Variants in TMEM39A observed in about 807,000 individuals in gnomAD.
TMEM39A encodes the protein transmembrane protein 39A.
A neutral mutation model predicts 51.9 loss-of-function variants in TMEM39A; 19 were observed. That is an observed-to-expected ratio of 0.37 (90% CI 0.26 to 0.54). The LOEUF is 0.54. TMEM39A is among the 20% of genes least tolerant of loss of function. TMEM39A has a pLI of 0.88. For missense variants in TMEM39A, 433 were observed against 590.5 expected (o/e 0.73, Z 2.76); for synonymous variants, 197 against 220.2 (o/e 0.89, Z 0.93).
chr3:119,441,751 A>C lies in TMEM39A; in HGVS notation c.576-3648T>G, dbSNP rs545301742. Among the ~76,000 whole-genome samples, 6 of 152,366 alleles carry C rather than the reference A, an allele frequency of 3.9e-5. No homozygotes were observed. The South Asian group carries it at 1.2e-3, about 32-fold the overall frequency. The stretch of plus-strand genomic sequence containing the variant: ...AAACAGCCTTATACTGTATTGGAAG[A>C]AGATGCCATCTAGACTTCCATACCT... On this transcript the variant is annotated intron_variant, in intron 5 of 8. Transcript: ENST00000319172.
intron 8 of TMEM39A, among the ~76,000 whole-genome samples, chr3:119,432,722 A>C (rs2080917107): frequency 1.3e-5 from 2 of 152,168 alleles, no homozygotes; most frequent in African/African-American, 4.8e-5. Flanking sequence ...TGGGGAAAAG[A>C]GAGGTTACAA....
intron 5 of TMEM39A, among the ~76,000 whole-genome samples, chr3:119,439,897 A>G (rs1051018841): frequency 3.9e-5 from 6 of 152,026 alleles, no homozygotes; most frequent in Non-Finnish European, 5.9e-5. Context: ...CCTCCTAAGT[A>G]GCTAGGACTA....
At chr3:119,445,095 C>T (rs2081106116) in intron 5 of TMEM39A, among the ~76,000 whole-genome samples, 1 of 151,600 alleles carries the variant, frequency 6.6e-6, no homozygotes, top group Admixed American at 6.6e-5. Context: ...AAAAAAGCAA[C>T]CGTCTCTGGA....
At chr3:119,453,907 C>G (rs898079226) in intron 3 of TMEM39A, among the ~76,000 whole-genome samples, 2 of 152,090 alleles carry the variant, frequency 1.3e-5, no homozygotes, top group Non-Finnish European at 2.9e-5. Context: ...AGAAATAAAA[C>G]AGTAACAAAT....
chr3:119,452,530 TCTA>T lies in TMEM39A; in HGVS notation c.337-3_337-1del, dbSNP rs748636650. ...AGATGATAATCAATGAGATGAAAAT[TCTA>T]CAACAGAAATAAATAACTACATCAG... On this transcript the variant is annotated splice_acceptor_variant and splice_polypyrimidine_tract_variant and intron_variant, in intron 3 of 8. Transcript: ENST00000319172. LOFTEE classifies it high-confidence loss of function. 6.2e-7 allele frequency: 1 copy of T among 1,611,960 alleles called. No individual in the cohort carries two copies. The highest frequency in any genetic ancestry group is 1.3e-5 in the African/African-American group (1 of 74,846).
intron 1 of TMEM39A, 141 bp from the exon 2 acceptor site, chr3:119,462,289 C>A: frequency 2.0e-6 from 1 of 499,556 alleles, no homozygotes; most frequent in Non-Finnish European, 3.6e-6. Flanking sequence ...TTACGTTATT[C>A]GAATTAAAGG....
chr3:119,442,728 C>G (rs9860775), intron 5 of TMEM39A, among the ~76,000 whole-genome samples: 1 of 151,946 alleles, frequency 6.6e-6, no homozygotes, highest in African/African-American at 2.4e-5. Context: ...AGAAAGTAAC[C>G]GCAAATGTGG....
chr3:119,440,787 A>G (rs180799266), intron 5 of TMEM39A, among the ~76,000 whole-genome samples: 2 of 152,286 alleles, frequency 1.3e-5, no homozygotes, highest in Admixed American at 1.3e-4. Context: ...ATACAGGCAT[A>G]CCTCATTTTA....
intron 3 of TMEM39A, among the ~76,000 whole-genome samples, chr3:119,453,407 G>T (rs1168973574): frequency 6.6e-6 from 1 of 152,180 alleles, no homozygotes; most frequent in Non-Finnish European, 1.5e-5. Flanking sequence ...GAAAGGAAAT[G>T]GCAGAGATTA....
chr3:119,460,141 T>C (rs1317163733), intron 2 of TMEM39A, among the ~76,000 whole-genome samples: 1 of 152,190 alleles, frequency 6.6e-6, no homozygotes, highest in East Asian at 1.9e-4. Context: ...CAATTATTTC[T>C]TTCATTTTAA....
chr3:119,455,977 C>T (rs1184318747), intron 3 of TMEM39A, among the ~76,000 whole-genome samples: 2 of 152,152 alleles, frequency 1.3e-5, no homozygotes, highest in Non-Finnish European at 2.9e-5. Flanking sequence ...GTCTTACATT[C>T]ATTTATAAAA....
intron 4 of TMEM39A, among the ~76,000 whole-genome samples, chr3:119,449,110 A>G (rs1213800430): frequency 1.3e-5 from 2 of 152,210 alleles, no homozygotes; most frequent in Admixed American, 1.3e-4. Flanking sequence ...GCTGAGACCT[A>G]AAGGATAAGC....
chr3:119,444,802 G>A (rs1259589631), intron 5 of TMEM39A, among the ~76,000 whole-genome samples: 1 of 152,112 alleles, frequency 6.6e-6, no homozygotes, highest in African/African-American at 2.4e-5. Context: ...TGCTGTTCTA[G>A]AAACTACATT....
rs190134095 is a variant in TMEM39A, at chr3:119,438,071, T to C, written c.608A>G (p.His203Arg). The change falls in exon 6 of 9, where the codon CAT (histidine) becomes CGT (arginine). Residue 203 changes from histidine (H) to arginine (R), a missense_variant. His to Arg is a conservative substitution (Grantham distance 29). Around this residue, in one of 3 missense-constraint regions of TMEM39A, gnomAD observed 40 missense variants for 22.6 expected, o/e 1.77. Coordinates refer to ENST00000319172, the MANE Select transcript of TMEM39A (RefSeq NM_018266.3). The stretch of plus-strand genomic sequence containing the variant: ...AAGAAGATGTGCTCTACTATCTTGA[T>C]GAAAACAGCAAAGAGGAACATAAAC... Reference protein sequence around the residue: ...FGVYVPLCCFHQDSRAHLLLT... With the variant: ...FGVYVPLCCFRQDSRAHLLLT... 10 of 1,594,844 alleles carry C rather than the reference T, an allele frequency of 6.3e-6. No individual in the cohort carries two copies. The Admixed American group carries it at 1.5e-4, about 24-fold the overall frequency.
At position 119,432,034 on chromosome 3, in the gene TMEM39A, A is replaced by G. The variant is rs1052717413; in HGVS notation, c.1414T>C (p.Leu472=). The change falls in exon 9 of 9, where the codon TTA becomes CTA. Residue 472 remains leucine, a synonymous_variant. Transcript: ENST00000319172. ...LFKLLRDRIV[L]GRAYSYPLNS... ...AGTGGGTAGGAGTATGCCCTGCCTA[A>G]TACTATTCTGTCCCGGAGAAGTTTA... 2 of 1,613,094 alleles carry G rather than the reference A, an allele frequency of 1.2e-6. No homozygotes were observed. The highest frequency in any genetic ancestry group is 1.7e-6 in the Non-Finnish European group (2 of 1,179,426).
chr3:119,436,706 A>T, intron 7 of TMEM39A, 85 bp downstream of exon 7: 1 of 1,404,232 alleles, frequency 7.1e-7, no homozygotes, highest in South Asian at 1.3e-5. Context: ...TTCAAAGCCA[A>T]GAACAAGAAT....
At chr3:119,449,288 C>A (rs571657305) in intron 4 of TMEM39A, among the ~76,000 whole-genome samples, 2 of 152,202 alleles carry the variant, frequency 1.3e-5, no homozygotes, top group Non-Finnish European at 2.9e-5. Flanking sequence ...AAAATGTGGT[C>A]TTTGGCCGGG....
intron 2 of TMEM39A, among the ~76,000 whole-genome samples, chr3:119,458,867 C>A (rs13314958): frequency 1.9e-3 from 295 of 152,180 alleles, no homozygotes; most frequent in African/African-American, 6.6e-3. Context: ...TGCACTACAG[C>A]CTGGGCAACA....
rs1339978169 is a variant in TMEM39A, at chr3:119,432,187, A to T, written c.1261T>A (p.Leu421Ile). Reference protein sequence around the residue: ...YFLFHRPLRLLNLLILIEGSV... With the variant: ...YFLFHRPLRLINLLILIEGSV... Reference sequence around the variant, plus strand: ...CCCTCAATAAGGATGAGCAGATTTAACAGCCTTAATGGTCGATGAAATAAG... The same window carrying T: ...CCCTCAATAAGGATGAGCAGATTTATCAGCCTTAATGGTCGATGAAATAAG... Residue 421 changes from leucine (L) to isoleucine (I), a missense_variant, in exon 9 of 9, where the codon TTA becomes ATA. Leu to Ile is a conservative substitution (Grantham distance 5). This residue lies in a region of TMEM39A where 223 missense variants were observed against 328.1 expected (regional missense o/e 0.68). Transcript: ENST00000319172. 1 of 1,612,468 alleles carries T rather than the reference A, an allele frequency of 6.2e-7. No homozygotes were observed. The highest frequency in any genetic ancestry group is 1.1e-5 in the South Asian group (1 of 90,974).
Sources: gnomAD v4.1 joint callset for allele counts (sites outside exome capture counted in the v4.1 genomes callset) on GRCh38, gnomAD v4.1.1 for gene constraint, gnomAD v4.1.1 regional missense constraint, MANE v1.5 for transcripts, NCBI Gene and HGNC (gene_info 2026-07-23, HGNC 2026-07-21) for gene names.